The following CYTH1 variants were observed in gnomAD, a reference collection of about 807,000 sequenced individuals.
The protein encoded by CYTH1 is cytohesin 1.
A neutral mutation model predicts 61.8 loss-of-function variants in CYTH1; 18 were observed. That is an observed-to-expected ratio of 0.29 (90% CI 0.20 to 0.43). The LOEUF is 0.43. Ranked by LOEUF, CYTH1 falls within the 20% of genes least tolerant of loss-of-function variation. The pLI is 1.00. For synonymous variants in CYTH1, 174 were observed against 184.3 expected (o/e 0.94, Z 0.45); for missense variants, 336 against 510.5 (o/e 0.66, Z 3.29).
At chr17:78,720,187 G>A (rs1164753187) in intron 1 of CYTH1, among the ~76,000 whole-genome samples, 8 of 152,074 alleles carry the variant, frequency 5.3e-5, no homozygotes, top group African/African-American at 1.2e-4. Flanking sequence ...TAATATGAAC[G>A]TATGAATGTA....
rs61557344 is a variant in CYTH1 at position 78,765,009 on chromosome 17, T to G, written c.22+17193A>C. Reference sequence around the variant, plus strand: ...TGGCTGCTCAAGCAAACAGGGGAAGTCTTGTCGAGAGAGTGCGGGAACTGA... The same window carrying G: ...TGGCTGCTCAAGCAAACAGGGGAAGGCTTGTCGAGAGAGTGCGGGAACTGA... On this transcript the variant is annotated intron_variant, in intron 1 of 13. Transcript: ENST00000446868. Among the ~76,000 whole-genome samples the G allele has an allele frequency of 3.6e-3, 543 of 151,992 alleles. 1 individual carries two copies. Among genetic ancestry groups the G allele is most frequent in the African/African-American group, 0.013 (518 of 41,438 alleles).
chr17:78,712,970 C>T (rs890320234), intron 1 of CYTH1, among the ~76,000 whole-genome samples: 1 of 151,848 alleles, frequency 6.6e-6, no homozygotes, highest in African/African-American at 2.4e-5. Context: ...GTGTCAAGAC[C>T]CAGGACTCCA....
At chr17:78,679,403 A>T (rs1475866274) in intron 13 of CYTH1, among the ~76,000 whole-genome samples, 1 of 148,204 alleles carries the variant, frequency 6.7e-6, no homozygotes, top group Non-Finnish European at 1.5e-5. Context: ...TGACCCTCGC[A>T]CAGGGACTGG....
chr17:78,766,629 A>G (rs1353353837), intron 1 of CYTH1, among the ~76,000 whole-genome samples: 1 of 152,236 alleles, frequency 6.6e-6, no homozygotes, highest in Non-Finnish European at 1.5e-5. Context: ...TGTGTTTAAT[A>G]ACCAGCAACA....
intron 1 of CYTH1, among the ~76,000 whole-genome samples, chr17:78,713,678 T>C (rs910530374): frequency 6.8e-6 from 1 of 147,290 alleles, no homozygotes; most frequent in Non-Finnish European, 1.5e-5. Context: ...ACATGACAAT[T>C]TTTCTGGATG....
chr17:78,760,388 CACACAT>C (rs1567879031), intron 1 of CYTH1, among the ~76,000 whole-genome samples: 1 of 45,948 alleles, frequency 2.2e-5, no homozygotes, highest in African/African-American at 8.3e-5. Flanking sequence ...TATATATACA[CACACAT>C]ACATATATAT....
chr17:78,684,930 G>A (rs1410541871), intron 11 of CYTH1, among the ~76,000 whole-genome samples: 1 of 152,168 alleles, frequency 6.6e-6, no homozygotes, highest in Non-Finnish European at 1.5e-5. Context: ...ACCAGGCATG[G>A]TGGCTCACGC....
At chr17:78,680,909 A>G in intron 12 of CYTH1, 62 bp downstream of exon 12, 1 of 1,563,012 alleles carries the variant, frequency 6.4e-7, no homozygotes, top group Non-Finnish European at 8.7e-7. Context: ...AGTTTTTTAA[A>G]AAAAATCTTT....
chr17:78,704,127 G>A (rs2093041388), intron 3 of CYTH1, among the ~76,000 whole-genome samples: 1 of 152,160 alleles, frequency 6.6e-6, no homozygotes, highest in African/African-American at 2.4e-5. Flanking sequence ...AAGACGCTCC[G>A]CTCGTTTATA....
At chr17:78,755,894 G>C (rs2093398752) in intron 1 of CYTH1, among the ~76,000 whole-genome samples, 1 of 149,910 alleles carries the variant, frequency 6.7e-6, no homozygotes, top group Non-Finnish European at 1.5e-5. Flanking sequence ...CTGGGAGAAA[G>C]AGCAAGACAC....
chr17:78,674,219 C>T lies in CYTH1; in HGVS notation c.*1872G>A, dbSNP rs1446114252. ...TGACAAAACTTCTTTTAAACAAATA[C>T]AAAATAATCTAAAAGGAGAAAAACT... is the stretch of plus-strand genomic sequence containing the variant. On this transcript the variant is annotated 3_prime_UTR_variant, in exon 14 of 14. Coordinates refer to ENST00000446868, the MANE Select transcript of CYTH1 (RefSeq NM_004762.6). The T allele has an allele frequency of 1.3e-5, 2 of 152,604 alleles. No homozygotes were observed. The highest frequency in any genetic ancestry group is 2.9e-5 in the Non-Finnish European group (2 of 68,026). The allele number at this position is 152,604 out of a possible 1,614,324, so 9.5% of individuals were successfully genotyped here. A position where few individuals can be genotyped will look rare whatever the true frequency, so the allele number is the denominator to read the frequency against.
At chr17:78,746,967 A>G (rs150229053) in intron 1 of CYTH1, among the ~76,000 whole-genome samples, 183 of 151,908 alleles carry the variant, frequency 1.2e-3, no homozygotes, top group Middle Eastern at 6.9e-3. Flanking sequence ...ATAAAAGTGT[A>G]CACTGATTTA....
chr17:78,719,964 G>A (rs1291120790), intron 1 of CYTH1, among the ~76,000 whole-genome samples: 3 of 152,138 alleles, frequency 2.0e-5, no homozygotes, highest in Non-Finnish European at 4.4e-5. Context: ...GCTACAACAC[G>A]GATGAACCTG....
rs145416270 is a variant in CYTH1, at chr17:78,703,901, T to A, written c.171-1297A>T. ...GAAGGCTGCTATCAGCATTTGCATATATGTCTTTGTGTGGACACGTTTTCA... is the reference window on the plus strand; with the variant it reads ...GAAGGCTGCTATCAGCATTTGCATAAATGTCTTTGTGTGGACACGTTTTCA... On this transcript the variant is annotated intron_variant, in intron 3 of 13. Coordinates refer to ENST00000446868, the MANE Select transcript of CYTH1 (RefSeq NM_004762.6). 2.0e-5 allele frequency among the ~76,000 whole-genome samples: 3 copies of A among 152,366 alleles called. No individual in the cohort carries two copies. The East Asian group carries it at 5.8e-4, about 29-fold the overall frequency.
At chr17:78,710,549 G>C (rs531783313) in intron 1 of CYTH1, among the ~76,000 whole-genome samples, 9 of 152,328 alleles carry the variant, frequency 5.9e-5, no homozygotes, top group African/African-American at 1.9e-4. Context: ...CAAATGAGAA[G>C]AACAAGCATT....
Position 78,676,125 on chromosome 17 carries a change from C to A in CYTH1, c.1163G>T (p.Arg388Leu). ...RDPFYEMLAARKKKVSSTKRH is the reference protein window; with the variant it reads ...RDPFYEMLAALKKKVSSTKRH ...CTTCGTGGAGGAGACCTTCTTTTTCCGTGCTGCGAGCATTTCGTAGAAAGG... is the reference window on the plus strand; with the variant it reads ...CTTCGTGGAGGAGACCTTCTTTTTCAGTGCTGCGAGCATTTCGTAGAAAGG... The change falls in exon 14 of 14, where the codon CGG (arginine) becomes CTG (leucine). Residue 388 changes from arginine (R) to leucine (L), a missense_variant. Arg to Leu is a moderately radical substitution (Grantham distance 102). This residue lies in a region of CYTH1 where 83 missense variants were observed against 115.6 expected (regional missense o/e 0.72). Coordinates refer to ENST00000446868, the MANE Select transcript of CYTH1 (RefSeq NM_004762.6). 1 of 1,611,252 alleles carries A rather than the reference C, an allele frequency of 6.2e-7. No individual in the cohort carries two copies.
At chr17:78,769,123 G>A (rs1485292778) in intron 1 of CYTH1, among the ~76,000 whole-genome samples, 1 of 150,880 alleles carries the variant, frequency 6.6e-6, no homozygotes, top group Non-Finnish European at 1.5e-5. Context: ...TCCAGCCTAG[G>A]CAACAGAGCA....
Position 78,709,726 on chromosome 17 carries a change from C to T in CYTH1, c.29G>A (p.Ser10Asn). MEEDDSYVPSDLTAEERQEL... is the reference protein window; with the variant it reads MEEDDSYVPNDLTAEERQEL... ...TTGACGCTCCTCTGCTGTCAGGTCA[C>T]TGGGAACTACAAAAATGGAGGGCAA... The change falls in exon 2 of 14, where the codon AGT (serine) becomes AAT (asparagine). Residue 10 changes from serine to asparagine, a missense_variant. By Grantham distance (46) the Ser-to-Asn change is conservative (BLOSUM62 1). Around this residue, in one of 4 missense-constraint regions of CYTH1, gnomAD observed 112 missense variants for 127.1 expected, o/e 0.88. Coordinates refer to ENST00000446868, the MANE Select transcript of CYTH1 (RefSeq NM_004762.6). 1 of 1,614,002 alleles carries T rather than the reference C, an allele frequency of 6.2e-7. No individual in the cohort carries two copies. Among genetic ancestry groups the T allele is most frequent in the Non-Finnish European group, 8.5e-7 (1 of 1,179,944 alleles).
intron 1 of CYTH1, among the ~76,000 whole-genome samples, chr17:78,734,849 C>T (rs1279519323): frequency 4.6e-5 from 7 of 152,160 alleles, no homozygotes; most frequent in South Asian, 2.1e-4. Flanking sequence ...CTTTCTTAGG[C>T]GTGTTCTTTA....
Sources: gnomAD v4.1 joint callset for allele counts (sites outside exome capture counted in the v4.1 genomes callset) on GRCh38, gnomAD v4.1.1 for gene constraint, gnomAD v4.1.1 regional missense constraint, MANE v1.5 for transcripts, NCBI Gene and HGNC (gene_info 2026-07-23, HGNC 2026-07-21) for gene names.